Variants in CLN5 observed in about 807,000 individuals in gnomAD.
CLN5 encodes the protein bis(monoacylglycero)phosphate synthase CLN5.
A neutral mutation model predicts 36.7 loss-of-function variants in CLN5; 34 were observed. The observed-to-expected ratio is 0.93, with a 90% CI of 0.71 to 1.23. The LOEUF is 1.23. Among genes scored for constraint, CLN5 ranks in the 50% most tolerant of loss-of-function variants. CLN5 has a pLI of 0.00. For synonymous variants in CLN5, 151 were observed against 155.1 expected, an observed-to-expected ratio of 0.97 and a Z score of 0.20; for missense variants, 427 against 439.4, an observed-to-expected ratio of 0.97 and a Z score of 0.25.
At chr13:76,993,808 A>C (rs1408198329) in intron 1 of CLN5, 1 of 152,164 alleles carries the variant, frequency 6.6e-6, no homozygotes, top group Admixed American at 6.5e-5. Context: ...CTTAAGTTAA[A>C]ATAGAAATTT....
intron 3 of CLN5, 88 bp downstream of exon 3, chr13:76,996,215 A>G (rs1384685622): frequency 7.8e-6 from 9 of 1,152,414 alleles, no homozygotes; most frequent in Non-Finnish European, 1.2e-5. Context: ...ACATTTCAGT[A>G]ATGTTTTACT....
At chr13:77,000,220 A>G (rs1468078455) in intron 3 of CLN5, 2 of 325,908 alleles carry the variant, frequency 6.1e-6, no homozygotes, top group Non-Finnish European at 1.1e-5. Context: ...AATTAAAAAA[A>G]AGAAAAATTA....
intron 1 of CLN5, chr13:76,994,603 G>A (rs977146995): frequency 5.7e-6 from 1 of 174,578 alleles, no homozygotes; most frequent in African/African-American, 2.4e-5. Flanking sequence ...CACTATATAT[G>A]TAGTGGAGCC....
chr13:76,992,468 A>T, intron 1 of CLN5, 197 bp downstream of exon 1: 1 of 630,710 alleles, frequency 1.6e-6, no homozygotes, highest in South Asian at 2.0e-5. Context: ...CGTTACGTGC[A>T]GCCCTGGGAC....
rs2034193395 is a variant in CLN5, at chr13:76,992,290, G to T, written c.173+19G>T. ...CCTACAAGTGAGTGCGGCGGCGCGC[G>T]CACTGTCGGGGTTGGGGTCGGCGTT... On this transcript the variant is annotated intron_variant, in intron 1 of 3. Coordinates refer to ENST00000377453, the MANE Select transcript of CLN5 (RefSeq NM_006493.4). 2 of 1,539,956 alleles carry T rather than the reference G, an allele frequency of 1.3e-6. No individual in the cohort carries two copies. The highest frequency in any genetic ancestry group is 1.4e-5 in the African/African-American group (1 of 73,092).
Position 76,995,170 on chromosome 13 carries a change from T to G in CLN5, c.281T>G (p.Val94Gly). 1 of 1,614,090 alleles carries G rather than the reference T, an allele frequency of 6.2e-7. No individual in the cohort carries two copies. The change falls in exon 2 of 4, where the codon GTT (valine) becomes GGT (glycine). Residue 94 changes from valine to glycine, a missense_variant. Physicochemically the swap from Val to Gly is moderately radical, Grantham distance 109. Transcript: ENST00000377453. ...PVMEGDDDIEVFRLQAPVWEF... is the reference protein window; with the variant it reads ...PVMEGDDDIEGFRLQAPVWEF... The stretch of plus-strand genomic sequence containing the variant: ...ATGGAGGGTGATGATGACATTGAAG[T>G]TTTTCGATTACAAGCCCCAGTATGG...
At position 77,000,493 on chromosome 13, in the gene CLN5, C is replaced by A; in HGVS notation, c.601C>A (p.Gln201Lys). 1.2e-6 allele frequency: 2 copies of A among 1,611,862 alleles called. No individual in the cohort carries two copies. The highest frequency in any genetic ancestry group is 1.7e-6 in the Non-Finnish European group (2 of 1,179,464). ...CAACCAAATGGCAAAGTGGGTGAAA[C>A]AGGACAATGAAACAGGAATTTATTA... is the stretch of plus-strand genomic sequence containing the variant. Reference protein sequence around the residue: ...MFNQMAKWVKQDNETGIYYET... With the variant: ...MFNQMAKWVKKDNETGIYYET... Residue 201 changes from glutamine (Q) to lysine (K), a missense_variant, in exon 4 of 4, where the codon CAG becomes AAG. Gln to Lys is a moderately conservative substitution (Grantham distance 53). Transcript: ENST00000377453.
chr13:76,999,727 AT>A (rs1288426817), intron 3 of CLN5: 3 of 152,184 alleles, frequency 2.0e-5, no homozygotes, highest in African/African-American at 7.2e-5. Flanking sequence ...GTCTTTGCCC[AT>A]TCTGCTTTTC....
In CLN5 at chr13:77,001,919, G is replaced by A. The variant is rs899038668; in HGVS notation, c.*950G>A. 1.3e-5 allele frequency: 2 copies of A among 152,194 alleles called. No individual in the cohort carries two copies. Among genetic ancestry groups the A allele is most frequent in the African/African-American group, 4.8e-5 (2 of 41,452 alleles). 9.4% of individuals were successfully genotyped at this position (152,194 alleles called of 1,614,324 possible). On this transcript the variant is annotated 3_prime_UTR_variant, in exon 4 of 4. Coordinates refer to ENST00000377453, the MANE Select transcript of CLN5 (RefSeq NM_006493.4). ...TCCCTCTTCCCACAAAGCTGTCAGC[G>A]CAGTGGAAGAGGTTGCACTTCTCCG...
chr13:77,000,598 T>G lies in CLN5; in HGVS notation c.706T>G (p.Leu236Val). The G allele has an allele frequency of 6.2e-7, 1 of 1,614,142 alleles. No individual in the cohort carries two copies. Among genetic ancestry groups the G allele is most frequent in the Non-Finnish European group, 8.5e-7 (1 of 1,180,018 alleles). The change falls in exon 4 of 4, where the codon TTA becomes GTA. Residue 236 changes from leucine (L) to valine (V), a missense_variant. Leu to Val is a conservative substitution (Grantham distance 32, BLOSUM62 1). Transcript: ENST00000377453. The part of the protein sequence containing the change: ...FDSYDCSKFV[L>V]RTFNKLAEFG... ...TTCCTACGACTGTTCCAAATTTGTG[T>G]TAAGGACCTTTAACAAGTTGGCTGA... is the stretch of plus-strand genomic sequence containing the variant.
Position 77,001,227 on chromosome 13 carries a change from G to T in CLN5, c.*258G>T, listed in dbSNP as rs1318004100. ...AGCCTTTGTTAATATGGAGAATTAT[G>T]GTTCATATCAGTTATGTAGGACCTT... is the stretch of plus-strand genomic sequence containing the variant. On this transcript the variant is annotated 3_prime_UTR_variant, in exon 4 of 4. Transcript: ENST00000377453. 3 of 359,520 alleles carry T rather than the reference G, an allele frequency of 8.3e-6. No individual in the cohort carries two copies. Among genetic ancestry groups the T allele is most frequent in the East Asian group, 6.4e-5 (1 of 15,656 alleles). The allele number at this position is 359,520 out of a possible 1,614,324, so 22.3% of individuals were successfully genotyped here.
chr13:76,996,187 T>C, intron 3 of CLN5, 60 bp downstream of exon 3: 1 of 1,290,520 alleles, frequency 7.7e-7, no homozygotes, highest in Non-Finnish European at 1.1e-6. Flanking sequence ...TGAAAGAAAT[T>C]GTTATACTTC....
chr13:76,994,220 C>A (rs2034227299), intron 1 of CLN5: 1 of 152,166 alleles, frequency 6.6e-6, no homozygotes, highest in Non-Finnish European at 1.5e-5. Flanking sequence ...AAATGACAGC[C>A]CCTGCCAGTC....
chr13:76,992,334 GCT>G, intron 1 of CLN5, 63 bp downstream of exon 1: 2 of 1,411,712 alleles, frequency 1.4e-6, no homozygotes, highest in Non-Finnish European at 9.5e-7. Flanking sequence ...GGGATGGGGT[GCT>G]GGGGCGGGGA....
chr13:76,992,973 ATGG>A (rs1172165175), intron 1 of CLN5: 1 of 152,288 alleles, frequency 6.6e-6, no homozygotes, highest in African/African-American at 2.4e-5. Context: ...GAAAGAAAAC[ATGG>A]TGTCAACATC....
chr13:76,996,164 A>G (rs755352792), intron 3 of CLN5, 37 bp downstream of exon 3: 59 of 1,487,218 alleles, frequency 4.0e-5, no homozygotes, highest in Non-Finnish European at 5.1e-5. Context: ...TGATCATTGC[A>G]TCAAAAACCA....
rs1454773906 is a variant in CLN5 at position 77,001,344 on chromosome 13, G to C, written c.*375G>C. The C allele has an allele frequency of 6.1e-6, 1 of 164,522 alleles. No individual in the cohort carries two copies. The highest frequency in any genetic ancestry group is 1.3e-5 in the Non-Finnish European group (1 of 76,572). 10.2% of individuals were successfully genotyped at this position (164,522 alleles called of 1,614,324 possible). ...ATACATTCAGTGACATTTTCATGGT[G>C]GGAGCTCTTCTTTCTGATATGGCAG... On this transcript the variant is annotated 3_prime_UTR_variant, in exon 4 of 4. Coordinates refer to ENST00000377453, the MANE Select transcript of CLN5 (RefSeq NM_006493.4).
chr13:76,994,997 TA>T (rs1384814938), intron 1 of CLN5, 65 bp from the exon 2 acceptor site: 3 of 1,508,234 alleles, frequency 2.0e-6, no homozygotes, highest in Non-Finnish European at 2.7e-6. Flanking sequence ...TACTGGATTC[TA>T]AAAGACGTGA....
Position 77,000,636 on chromosome 13 carries a change from G to C in CLN5, c.744G>C (p.Glu248Asp), listed in dbSNP as rs2034343186. The change falls in exon 4 of 4, where the codon GAG (glutamate) becomes GAC (aspartate). Residue 248 changes from glutamate (E) to aspartate (D), a missense_variant. Transcript: ENST00000377453. Reference protein sequence around the residue: ...TFNKLAEFGAEFKNIETNYTR... With the variant: ...TFNKLAEFGADFKNIETNYTR... ...ACAAGTTGGCTGAATTTGGAGCAGA[G>C]TTCAAGAACATAGAAACCAACTATA... 21 of 1,614,118 alleles carry C rather than the reference G, an allele frequency of 1.3e-5. No individual in the cohort carries two copies. The highest frequency in any genetic ancestry group is 1.8e-5 in the Non-Finnish European group (21 of 1,180,008).
Sources: allele counts gnomAD v4.1 joint callset, GRCh38; gene constraint gnomAD v4.1.1; transcripts MANE v1.5; gene names NCBI Gene and HGNC (gene_info 2026-07-23, HGNC 2026-07-21).